ATG14: variants seen among roughly 807,000 people sequenced by gnomAD.
The protein encoded by ATG14 is autophagy related 14.
ATG14 carries 35 observed loss-of-function variants against 60.4 expected under a neutral mutation model. The ratio of observed to expected loss-of-function variants is 0.58; its 90% CI spans 0.44 to 0.77. ATG14 has a LOEUF of 0.77. ATG14 is among the 30% of genes least tolerant of loss of function. The pLI is 0.00. For missense variants in ATG14, 647 were observed against 626.3 expected (o/e 1.03, Z -0.35); for synonymous variants, 234 against 228.8 (o/e 1.02, Z -0.21).
chr14:55,411,665 A>G lies in ATG14; in HGVS notation c.158T>C (p.Leu53Pro). 4 of 1,613,470 alleles carry G rather than the reference A, an allele frequency of 2.5e-6. No homozygotes were observed. The highest frequency in any genetic ancestry group is 3.4e-6 in the Non-Finnish European group (4 of 1,179,910). Residue 53 changes from leucine (L) to proline (P), a missense_variant, in exon 1 of 10, where the codon CTG becomes CCG. Coordinates refer to ENST00000247178, the MANE Select transcript of ATG14 (RefSeq NM_014924.5). ...GCTCTGAACGCATTTGGCGCAGGTC[A>G]GCCGCCGGCGGGTAGTGTTGCACAG... ...CPLCNTTRRR[L>P]TCAKCVQSGD...
chr14:55,410,621 G>A (rs75062757), intron 1 of ATG14, among the ~76,000 whole-genome samples: 2 of 152,196 alleles, frequency 1.3e-5, no homozygotes, highest in Admixed American at 1.3e-4. Flanking sequence ...AGGATATAAA[G>A]TCTAGTGGTT....
In ATG14 at chr14:55,367,898, A is replaced by T. The variant is rs1191998751; in HGVS notation, c.*1721T>A. The T allele has an allele frequency of 6.6e-6, 1 of 152,554 alleles. No individual in the cohort carries two copies. The highest frequency in any genetic ancestry group is 6.5e-5 in the Admixed American group (1 of 15,282). 9.5% of individuals were successfully genotyped at this position (152,554 alleles called of 1,614,324 possible). Reference sequence around the variant, plus strand: ...ACAAAACACCAAATATACCATTAGCAAAAGCTATATAGCACCTCGGACTTG... The same window carrying T: ...ACAAAACACCAAATATACCATTAGCTAAAGCTATATAGCACCTCGGACTTG... On this transcript the variant is annotated 3_prime_UTR_variant, in exon 10 of 10. Transcript: ENST00000247178.
intron 3 of ATG14, chr14:55,395,299 G>A (rs1459909571): frequency 3.6e-6 from 1 of 277,414 alleles, no homozygotes; most frequent in Admixed American, 4.8e-5. Context: ...CCTCAGCAAA[G>A]CCGGGCTGCC....
In ATG14 at chr14:55,390,913, T is replaced by A. The variant is rs1469642850; in HGVS notation, c.407A>T (p.Lys136Ile). 4 of 1,585,810 alleles carry A rather than the reference T, an allele frequency of 2.5e-6. No individual in the cohort carries two copies. The highest frequency in any genetic ancestry group is 3.4e-6 in the Non-Finnish European group (4 of 1,159,456). The change falls in exon 4 of 10, where the codon AAA becomes ATA. Residue 136 changes from lysine to isoleucine, a missense_variant and splice_region_variant. Transcript: ENST00000247178. Reference protein sequence around the residue: ...TICKGNEEMEKNSEGLLKTKE... With the variant: ...TICKGNEEMEINSEGLLKTKE... ...AAGGAAGGACACGAATTACTTACTT[T>A]TCTCCATTTCTTCATTTCCTTTACA...
At chr14:55,393,233 A>C (rs890866650) in intron 3 of ATG14, among the ~76,000 whole-genome samples, 1 of 151,802 alleles carries the variant, frequency 6.6e-6, no homozygotes, top group African/African-American at 2.4e-5. Context: ...AACACAAAAA[A>C]ACTTAGCCGG....
intron 9 of ATG14, among the ~76,000 whole-genome samples, chr14:55,372,061 C>T (rs1884831257): frequency 6.6e-6 from 1 of 152,080 alleles, no homozygotes; most frequent in Non-Finnish European, 1.5e-5. Flanking sequence ...ACTCTAGAGC[C>T]ATCTTTTCCG....
intron 7 of ATG14, among the ~76,000 whole-genome samples, chr14:55,379,237 T>C (rs1884982013): frequency 6.6e-6 from 1 of 152,102 alleles, no homozygotes; most frequent in South Asian, 2.1e-4. Context: ...AGTGTTTATT[T>C]AAAGGGGGAA....
rs745709475 is a variant in ATG14, at chr14:55,400,542, C to T, written c.222-3108G>A. ...TCCAAATTTTCACTATGATCAGTAA[C>T]GATACAAGTGAATAGCCTAGTGCAC... On this transcript the variant is annotated intron_variant, in intron 1 of 9. Transcript: ENST00000247178. 8.2e-4 allele frequency among the ~76,000 whole-genome samples: 125 copies of T among 152,236 alleles called. No homozygotes were observed. In the Middle Eastern group the frequency reaches 0.014, roughly 17 times the overall value.
Position 55,390,988 on chromosome 14 carries a change from C to A in ATG14, c.332G>T (p.Trp111Leu). ...CCTCATCTTGCAGGACATTATTTTCCATCTCTGAAAAAAGCATGTAATAAA... is the reference window on the plus strand; with the variant it reads ...CCTCATCTTGCAGGACATTATTTTCAATCTCTGAAAAAAGCATGTAATAAA... ...EGKWITDQLR[W>L]KIMSCKMRIE... is the part of the protein sequence containing the mutation. The change falls in exon 4 of 10, where the codon TGG becomes TTG. Residue 111 changes from tryptophan (W) to leucine (L), a missense_variant. Physicochemically the swap from Trp to Leu is moderately conservative, Grantham distance 61 (BLOSUM62 -2). Transcript: ENST00000247178. The A allele has an allele frequency of 6.2e-7, 1 of 1,602,034 alleles. No individual in the cohort carries two copies. Among genetic ancestry groups the A allele is most frequent in the African/African-American group, 1.3e-5 (1 of 74,604 alleles).
At chr14:55,394,143 A>G (rs1026631132) in intron 3 of ATG14, among the ~76,000 whole-genome samples, 1 of 151,282 alleles carries the variant, frequency 6.6e-6, no homozygotes, top group African/African-American at 2.4e-5. Flanking sequence ...AGTAGCTGGG[A>G]TTACAGGCGT....
intron 9 of ATG14, among the ~76,000 whole-genome samples, chr14:55,372,531 C>T (rs1054089663): frequency 6.6e-6 from 1 of 151,746 alleles, no homozygotes; most frequent in South Asian, 2.1e-4. Flanking sequence ...CCACAGCTCA[C>T]TCCTCCCTTC....
chr14:55,395,129 C>G, intron 3 of ATG14: 1 of 479,698 alleles, frequency 2.1e-6, no homozygotes, highest in South Asian at 1.5e-5. Context: ...TTCTCAGCTT[C>G]GTTTCCACTT....
rs187972196 is a variant in ATG14, at chr14:55,374,769, C to T, written c.1172+3050G>A. Among the ~76,000 whole-genome samples, 560 of 152,302 alleles carry T rather than the reference C, an allele frequency of 3.7e-3. 3 individuals are homozygous for T. Among genetic ancestry groups the T allele is most frequent in the Middle Eastern group, 0.034 (10 of 294 alleles). Reference sequence around the variant, plus strand: ...CCCAACTGGCCCAACGCTATTGAACCATTATCTGATTCAACGCCTCCTCTA... The same window carrying T: ...CCCAACTGGCCCAACGCTATTGAACTATTATCTGATTCAACGCCTCCTCTA... On this transcript the variant is annotated intron_variant, in intron 9 of 9. Transcript: ENST00000247178.
intron 1 of ATG14, among the ~76,000 whole-genome samples, chr14:55,401,924 C>G (rs531049189): frequency 6.6e-6 from 1 of 152,180 alleles, no homozygotes; most frequent in African/African-American, 2.4e-5. Context: ...CATTTCAACA[C>G]GCCAAGTGGG....
intron 1 of ATG14, 62 bp from the exon 2 acceptor site, chr14:55,397,496 G>A: frequency 1.5e-6 from 2 of 1,292,558 alleles, no homozygotes; most frequent in Non-Finnish European, 2.2e-6. Context: ...ATGAGACTAT[G>A]CAAATTCCCA....
Position 55,368,560 on chromosome 14 carries a change from G to A in ATG14, c.*1059C>T, listed in dbSNP as rs2140112771. The stretch of plus-strand genomic sequence containing the variant: ...TATATTGTGCTTTCCCCAGAACAGA[G>A]CAGAGTAGCATCAGCCGTAAGGATC... On this transcript the variant is annotated 3_prime_UTR_variant, in exon 10 of 10. Coordinates refer to ENST00000247178, the MANE Select transcript of ATG14 (RefSeq NM_014924.5). The A allele has an allele frequency of 6.6e-6, 1 of 152,378 alleles. No individual in the cohort carries two copies. The highest frequency in any genetic ancestry group is 1.9e-4 in the East Asian group (1 of 5,186). The allele number at this position is 152,378 out of a possible 1,614,324, so 9.4% of individuals were successfully genotyped here. A position where few individuals can be genotyped will look rare whatever the true frequency, so the allele number is the denominator to read the frequency against.
At chr14:55,410,198 A>G (rs1297110787) in intron 1 of ATG14, among the ~76,000 whole-genome samples, 2 of 152,216 alleles carry the variant, frequency 1.3e-5, no homozygotes, top group African/African-American at 4.8e-5. Flanking sequence ...TAAAATGAAG[A>G]TATCTATTAC....
At chr14:55,373,820 A>G (rs1226327844) in intron 9 of ATG14, among the ~76,000 whole-genome samples, 2 of 145,020 alleles carry the variant, frequency 1.4e-5, no homozygotes, top group African/African-American at 5.0e-5. Context: ...AAAAAAAAAA[A>G]GTTTATCTTT....
At chr14:55,391,054 A>G (rs1566582145) in intron 3 of ATG14, 62 bp from the exon 4 acceptor site, 3 of 1,056,216 alleles carry the variant, frequency 2.8e-6, no homozygotes, top group South Asian at 2.9e-5. Context: ...ATGATTATCT[A>G]CCTGGGATCA....
Sources: allele counts gnomAD v4.1 joint callset (sites outside exome capture counted in the v4.1 genomes callset), GRCh38; gene constraint gnomAD v4.1.1; transcripts MANE v1.5; gene names NCBI Gene and HGNC (gene_info 2026-07-23, HGNC 2026-07-21).